The following NCKAP5 variants were observed in gnomAD, a reference collection of about 807,000 sequenced individuals.
The protein encoded by NCKAP5 is NCK associated protein 5, also known as nck-associated protein 5.
In NCKAP5, 92 loss-of-function variants were observed where a neutral mutation model predicts 167.0. The observed-to-expected ratio is 0.55, with a 90% CI of 0.47 to 0.66. The LOEUF (loss-of-function observed/expected upper bound fraction) is 0.66, where lower values mean the gene tolerates loss of function less well. Among genes scored for constraint, NCKAP5 ranks in the 30% least tolerant of loss-of-function variants. NCKAP5 has a pLI of 0.00. For missense variants in NCKAP5, 2,378 were observed against 2,315.0 expected, an observed-to-expected ratio of 1.03 and a Z score of -0.56; for synonymous variants, 891 against 877.4, an observed-to-expected ratio of 1.02 and a Z score of -0.27.
Position 133,005,124 on chromosome 2 carries a change from G to A in NCKAP5, c.342-10885C>T, listed in dbSNP as rs534038013. Among the ~76,000 whole-genome samples the A allele has an allele frequency of 7.9e-5, 12 of 152,132 alleles. No individual in the cohort carries two copies. In the East Asian group the frequency reaches 1.7e-3, roughly 22 times the overall value. ...TTTGCAGTTAACACAATCATCACAG[G>A]GTCCTGAGGCAACATACATCCTCAG... On this transcript the variant is annotated intron_variant, in intron 6 of 19. Coordinates refer to ENST00000409261, the MANE Select transcript of NCKAP5 (RefSeq NM_207363.3).
chr2:132,850,208 G>A lies in NCKAP5; in HGVS notation c.807+10284C>T, dbSNP rs151311673. On this transcript the variant is annotated intron_variant, in intron 11 of 19. Coordinates refer to ENST00000409261, the MANE Select transcript of NCKAP5 (RefSeq NM_207363.3). ...TATCTATTATGCCCACAACAGTGTT[G>A]TCTATAACTCTGATTATTTGGACAC... Among the ~76,000 whole-genome samples, 644 of 152,248 alleles carry A rather than the reference G, an allele frequency of 4.2e-3. 3 individuals carry two copies. The highest frequency in any genetic ancestry group is 0.014 in the African/African-American group (576 of 41,532).
At chr2:132,896,392 C>G (rs1043042509) in intron 8 of NCKAP5, among the ~76,000 whole-genome samples, 1 of 152,178 alleles carries the variant, frequency 6.6e-6, no homozygotes. Flanking sequence ...ATTCATACAC[C>G]ACCCTTGTTC....
chr2:132,821,609 T>G (rs1574329862), intron 11 of NCKAP5, among the ~76,000 whole-genome samples: 1 of 151,832 alleles, frequency 6.6e-6, no homozygotes, highest in Non-Finnish European at 1.5e-5. Context: ...GCGGACAGAG[T>G]GGACAGACAG....
the NCKAP5 span, among the ~76,000 whole-genome samples, chr2:133,654,468 TC>T: frequency 6.6e-6 from 1 of 152,180 alleles, no homozygotes; most frequent in Non-Finnish European, 1.5e-5. Context: ...AAGTTCCTAT[TC>T]CCAACCTCTT....
At position 133,010,091 on chromosome 2, in the gene NCKAP5, T is replaced by TA. The variant is rs200019993; in HGVS notation, c.342-15853dup. Among the ~76,000 whole-genome samples the TA allele has an allele frequency of 2.8e-3, 421 of 148,462 alleles. 2 individuals are homozygous for TA. Among genetic ancestry groups the TA allele is most frequent in the African/African-American group, 9.9e-3 (401 of 40,402 alleles). ...GTCTCAAAAAAAAAAAATAAATAAA[T>TA]AAAAAAAACAAACAGAGGCTCTCTG... is the stretch of plus-strand genomic sequence containing the variant. On this transcript the variant is annotated intron_variant, in intron 6 of 19. Transcript: ENST00000409261.
At chr2:133,026,671 G>C (rs901495737) in intron 6 of NCKAP5, among the ~76,000 whole-genome samples, 1 of 152,146 alleles carries the variant, frequency 6.6e-6, no homozygotes, top group African/African-American at 2.4e-5. Context: ...ATCAGAGACT[G>C]AACTGTTTTT....
chr2:133,419,324 G>T (rs531897796), intron 3 of NCKAP5, among the ~76,000 whole-genome samples: 253 of 152,292 alleles, frequency 1.7e-3, no homozygotes, highest in Middle Eastern at 3.4e-3. Flanking sequence ...TCTTGTGGTT[G>T]CCCAGTGATA....
chr2:132,881,241 C>T (rs1437644817), intron 8 of NCKAP5, among the ~76,000 whole-genome samples: 2 of 152,148 alleles, frequency 1.3e-5, no homozygotes, highest in Admixed American at 1.3e-4. Flanking sequence ...ATGGCATGAT[C>T]TTGGCTTACT....
Position 133,039,680 on chromosome 2 carries a change from C to A in NCKAP5, c.342-45441G>T, listed in dbSNP as rs537778384. ...ATAATGCTATGACATAAACCAACAG[C>A]CCCTCCAGGACCAGGTCTGGCCCAT... On this transcript the variant is annotated intron_variant, in intron 6 of 19. Transcript: ENST00000409261. 3.3e-5 allele frequency among the ~76,000 whole-genome samples: 5 copies of A among 152,256 alleles called. No individual in the cohort carries two copies. In the South Asian group the frequency reaches 8.3e-4, roughly 25 times the overall value.
intron 3 of NCKAP5, among the ~76,000 whole-genome samples, chr2:133,355,660 T>C (rs1553622640): frequency 6.6e-6 from 1 of 152,076 alleles, no homozygotes; most frequent in Non-Finnish European, 1.5e-5. Context: ...CCTTTTCCCA[T>C]ATACCCACAT....
chr2:133,599,810 C>T, the NCKAP5 span, among the ~76,000 whole-genome samples: 1 of 152,198 alleles, frequency 6.6e-6, no homozygotes, highest in Non-Finnish European at 1.5e-5. Flanking sequence ...GCCTGGGAAC[C>T]CTGTCTACAG....
chr2:133,579,639 G>T, the NCKAP5 span, among the ~76,000 whole-genome samples: 2 of 152,164 alleles, frequency 1.3e-5, no homozygotes, highest in African/African-American at 4.8e-5. Context: ...GACAGGTTTT[G>T]ACAGAGATAG....
chr2:133,287,503 T>G (rs529283036), intron 4 of NCKAP5, among the ~76,000 whole-genome samples: 2 of 152,370 alleles, frequency 1.3e-5, no homozygotes, highest in Non-Finnish European at 1.5e-5. Context: ...ATTTGTCTGA[T>G]TGCTGACAAC....
At chr2:133,144,798 A>T (rs1383597947) in intron 5 of NCKAP5, among the ~76,000 whole-genome samples, 6 of 152,126 alleles carry the variant, frequency 3.9e-5, no homozygotes, top group African/African-American at 1.4e-4. Context: ...TCTTATTCTC[A>T]ATTAGGAACA....
chr2:132,859,848 T>C (rs1689748935), intron 11 of NCKAP5, among the ~76,000 whole-genome samples: 1 of 152,208 alleles, frequency 6.6e-6, no homozygotes, highest in Non-Finnish European at 1.5e-5. Flanking sequence ...CCCATTCATA[T>C]GTTTCCCTGC....
chr2:133,009,423 A>G (rs1220005437), intron 6 of NCKAP5, among the ~76,000 whole-genome samples: 5 of 152,064 alleles, frequency 3.3e-5, no homozygotes, highest in East Asian at 3.9e-4. Flanking sequence ...TTAAGGAGCT[A>G]TATATTGATT....
chr2:132,763,192 T>C (rs1013795147), intron 16 of NCKAP5, among the ~76,000 whole-genome samples: 1 of 152,188 alleles, frequency 6.6e-6, no homozygotes, highest in African/African-American at 2.4e-5. Context: ...ATAGGTCTTG[T>C]TTTGAAAATC....
intron 5 of NCKAP5, among the ~76,000 whole-genome samples, chr2:133,168,046 T>C (rs907412745): frequency 1.3e-5 from 2 of 152,158 alleles, no homozygotes; most frequent in Non-Finnish European, 2.9e-5. Context: ...GATAATTCTT[T>C]TAATCCTTAC....
At chr2:133,596,058 A>G in the NCKAP5 span, 1 of 152,336 alleles carries the variant, frequency 6.6e-6, no homozygotes, top group African/African-American at 2.4e-5. Context: ...AAATGTACGA[A>G]CCATTCTTAG....
Sources: gnomAD v4.1 joint callset for allele counts (sites outside exome capture counted in the v4.1 genomes callset) on GRCh38, gnomAD v4.1.1 for gene constraint, MANE v1.5 for transcripts, NCBI Gene and HGNC (gene_info 2026-07-23, HGNC 2026-07-21) for gene names.